The following B3GALT1 variants were observed in gnomAD, a reference collection of about 807,000 sequenced individuals.
The protein encoded by B3GALT1 is UDP-Gal:betaGlcNAc beta 1,3-galactosyltransferase, polypeptide 1.
B3GALT1 carries 10 observed loss-of-function variants against 23.2 expected under a neutral mutation model. That is an observed-to-expected ratio of 0.43 (90% confidence interval 0.27 to 0.73). The LOEUF (loss-of-function observed/expected upper bound fraction) is 0.73. Ranked by LOEUF, B3GALT1 falls within the 30% of genes least tolerant of loss-of-function variation. The pLI, the probability that B3GALT1 is intolerant of heterozygous loss-of-function variation, is 0.21. For missense variants in B3GALT1, 299 were observed against 405.4 expected (o/e 0.74, Z 2.25); for synonymous variants, 156 against 141.5 (o/e 1.10, Z -0.73).
chr2:167,482,050 T>C (rs1340032272), intron 1 of B3GALT1, among the ~76,000 whole-genome samples: 1 of 152,202 alleles, frequency 6.6e-6, no homozygotes, highest in Non-Finnish European at 1.5e-5. Context: ...CAAGATACAG[T>C]TAGCTGTAGA....
At chr2:167,761,865 C>G (rs758799512) in intron 3 of B3GALT1, among the ~76,000 whole-genome samples, 9 of 152,222 alleles carry the variant, frequency 5.9e-5, no homozygotes, top group Non-Finnish European at 1.2e-4. Context: ...AGGGTCTGCT[C>G]TCATGGTCTC....
chr2:167,516,557 T>A (rs981376170), intron 2 of B3GALT1, among the ~76,000 whole-genome samples: 1 of 152,068 alleles, frequency 6.6e-6, no homozygotes, highest in Non-Finnish European at 1.5e-5. Context: ...TTAAACTCTA[T>A]AGGCCTCTAT....
chr2:167,402,657 A>T lies in B3GALT1; in HGVS notation c.-510-87520A>T, dbSNP rs73021770. Among the ~76,000 whole-genome samples the T allele has an allele frequency of 8.2e-3, 1,248 of 152,280 alleles. 24 individuals carry two copies. The highest frequency in any genetic ancestry group is 0.029 in the African/African-American group (1,188 of 41,548). ...AAATAAATAAGGCATAGGGAGTTAA[A>T]TAACTCTATGATAATACAACCAGTA... On this transcript the variant is annotated intron_variant, in intron 1 of 4. Coordinates refer to ENST00000392690, the MANE Select transcript of B3GALT1 (RefSeq NM_020981.4).
intron 1 of B3GALT1, among the ~76,000 whole-genome samples, chr2:167,302,597 T>G (rs1696468516): frequency 6.6e-6 from 1 of 152,186 alleles, no homozygotes; most frequent in African/African-American, 2.4e-5. Context: ...TTAAGATGTA[T>G]TTGCATTTTG....
intron 3 of B3GALT1, among the ~76,000 whole-genome samples, chr2:167,676,042 T>C (rs1178713418): frequency 6.6e-6 from 1 of 151,828 alleles, no homozygotes; most frequent in Non-Finnish European, 1.5e-5. Context: ...GATCACCCAC[T>C]ATTTCCACCC....
intron 1 of B3GALT1, among the ~76,000 whole-genome samples, chr2:167,390,736 A>G (rs16853568): frequency 0.011 from 1,639 of 152,232 alleles, 29 homozygotes; most frequent in African/African-American, 0.036. Context: ...CCATGTTACT[A>G]ATGTCTCTTG....
chr2:167,814,759 AAAAC>A (rs1365625034), intron 3 of B3GALT1: 1 of 152,304 alleles, frequency 6.6e-6, no homozygotes, highest in Non-Finnish European at 1.5e-5. Context: ...CTCCATCTCA[AAAAC>A]AACAACAAAC....
At chr2:167,532,069 CATT>C (rs978052693) in intron 2 of B3GALT1, among the ~76,000 whole-genome samples, 41 of 152,072 alleles carry the variant, frequency 2.7e-4, no homozygotes, top group African/African-American at 9.2e-4. Flanking sequence ...AATTGGATCT[CATT>C]GTTGTTTTAA....
chr2:167,524,872 G>A (rs886188147), intron 2 of B3GALT1, among the ~76,000 whole-genome samples: 2 of 152,174 alleles, frequency 1.3e-5, no homozygotes, highest in Admixed American at 1.3e-4. Flanking sequence ...TTTCATATCA[G>A]TATGTCTAAA....
chr2:167,657,130 A>G (rs1288166766), intron 3 of B3GALT1, among the ~76,000 whole-genome samples: 1 of 152,166 alleles, frequency 6.6e-6, no homozygotes, highest in Non-Finnish European at 1.5e-5. Flanking sequence ...TGGGGAGTGC[A>G]GAAAGATGTA....
intron 1 of B3GALT1, among the ~76,000 whole-genome samples, chr2:167,374,880 C>T (rs1483705746): frequency 6.6e-6 from 1 of 151,780 alleles, no homozygotes; most frequent in Non-Finnish European, 1.5e-5. Flanking sequence ...TTTTTTGTTG[C>T]AATTGCTTTT....
chr2:167,382,397 C>T (rs935445049), intron 1 of B3GALT1, among the ~76,000 whole-genome samples: 10 of 151,180 alleles, frequency 6.6e-5, no homozygotes, highest in African/African-American at 2.4e-4. Flanking sequence ...AAGGATGTTG[C>T]TTATGGTTAA....
chr2:167,654,078 G>A (rs946582039), intron 3 of B3GALT1, among the ~76,000 whole-genome samples: 4 of 152,150 alleles, frequency 2.6e-5, no homozygotes, highest in Non-Finnish European at 5.9e-5. Context: ...GGCCTCTGGA[G>A]TCAGGTTGGC....
intron 3 of B3GALT1, among the ~76,000 whole-genome samples, chr2:167,743,782 T>C (rs1054469913): frequency 2.0e-5 from 3 of 152,260 alleles, no homozygotes; most frequent in Admixed American, 6.5e-5. Flanking sequence ...ACTTTGGCTG[T>C]GTTGACCATC....
chr2:167,621,681 G>A (rs979033445), intron 2 of B3GALT1, among the ~76,000 whole-genome samples: 2 of 152,060 alleles, frequency 1.3e-5, no homozygotes, highest in East Asian at 3.9e-4. Flanking sequence ...CCAGTGGGAG[G>A]TAATTGAATC....
chr2:167,823,280 G>A (rs1689145346), intron 4 of B3GALT1, among the ~76,000 whole-genome samples: 1 of 152,154 alleles, frequency 6.6e-6, no homozygotes, highest in African/African-American at 2.4e-5. Context: ...TGCTGGTGTG[G>A]ACCTAACAGA....
chr2:167,336,738 T>G (rs954180003), intron 1 of B3GALT1, among the ~76,000 whole-genome samples: 1 of 152,166 alleles, frequency 6.6e-6, no homozygotes, highest in African/African-American at 2.4e-5. Flanking sequence ...GTATTTTATT[T>G]ATTTATAAAT....
intron 2 of B3GALT1, among the ~76,000 whole-genome samples, chr2:167,593,939 C>T (rs79122967): frequency 0.01 from 1,584 of 152,288 alleles, 30 homozygotes; most frequent in African/African-American, 0.036. Flanking sequence ...AATGGATAAA[C>T]CACCCAAAAG....
intron 1 of B3GALT1, among the ~76,000 whole-genome samples, chr2:167,362,271 T>C (rs965416990): frequency 6.6e-6 from 1 of 152,218 alleles, no homozygotes; most frequent in African/African-American, 2.4e-5. Context: ...GATAGGGTGA[T>C]ACATCAAAAT....
Sources: gnomAD v4.1 joint callset for allele counts (sites outside exome capture counted in the v4.1 genomes callset) on GRCh38, gnomAD v4.1.1 for gene constraint, MANE v1.5 for transcripts, NCBI Gene and HGNC (gene_info 2026-07-23, HGNC 2026-07-21) for gene names.